The following GIPC2 variants were observed in gnomAD, a reference collection of about 807,000 sequenced individuals.
GIPC2 encodes the protein PDZ domain-containing protein GIPC2.
In GIPC2, 30 loss-of-function variants were observed where a neutral mutation model predicts 30.6. The observed-to-expected ratio is 0.98, with a 90% CI of 0.73 to 1.33. The LOEUF (loss-of-function observed/expected upper bound fraction) is 1.33, where lower values mean the gene tolerates loss of function less well. Ranked by LOEUF, GIPC2 falls within the 40% of genes most tolerant of loss-of-function variation. The pLI is 0.00. For synonymous variants in GIPC2, 167 were observed against 150.0 expected (o/e 1.11, Z -0.83); for missense variants, 414 against 390.3 (o/e 1.06, Z -0.51).
At position 78,091,778 on chromosome 1, in the gene GIPC2, G is replaced by A. The variant is rs1017151258; in HGVS notation, c.427-3174G>A. ...GCACAAAGTAGCACAGAAGAGGGAG[G>A]ATACTGTTTCCAAAGAAGTGACTAG... On this transcript the variant is annotated intron_variant, in intron 2 of 5. Transcript: ENST00000370759. 1.7e-5 allele frequency: 13 copies of A among 776,496 alleles called. No individual in the cohort carries two copies. In the Admixed American group the frequency reaches 2.2e-4, roughly 13 times the overall value. The allele number at this position is 776,496 out of a possible 1,614,324, so 48.1% of individuals were successfully genotyped here. A position where few individuals can be genotyped will look rare whatever the true frequency, so the allele number is the denominator to read the frequency against.
intron 1 of GIPC2, among the ~76,000 whole-genome samples, chr1:78,063,285 A>T (rs1485620221): frequency 1.3e-5 from 2 of 151,646 alleles, no homozygotes; most frequent in East Asian, 3.9e-4. Flanking sequence ...AGGGGTCAGG[A>T]GTTCGCGACC....
At chr1:78,063,320 C>T (rs1280150034) in intron 1 of GIPC2, among the ~76,000 whole-genome samples, 2 of 150,364 alleles carry the variant, frequency 1.3e-5, no homozygotes, top group Non-Finnish European at 3.0e-5. Flanking sequence ...GGTGAAACCC[C>T]GTCTCTACAA....
At chr1:78,135,561 ATTG>A (rs1557555296) in intron 5 of GIPC2, 28 bp from the exon 6 acceptor site, 1 of 1,365,952 alleles carries the variant, frequency 7.3e-7, no homozygotes, top group South Asian at 1.3e-5. Context: ...TATTTCATTT[ATTG>A]TTAATTTTTT....
intron 3 of GIPC2, among the ~76,000 whole-genome samples, chr1:78,106,647 A>G (rs1190983620): frequency 6.6e-6 from 1 of 152,246 alleles, no homozygotes; most frequent in Non-Finnish European, 1.5e-5. Flanking sequence ...TTTTAAGTGT[A>G]GAAGAAAAAT....
At chr1:78,094,236 T>C (rs1240133434) in intron 2 of GIPC2, among the ~76,000 whole-genome samples, 1 of 152,250 alleles carries the variant, frequency 6.6e-6, no homozygotes, top group Admixed American at 6.5e-5. Context: ...TCTATTCTTA[T>C]GTGATGGGCC....
intron 3 of GIPC2, among the ~76,000 whole-genome samples, chr1:78,101,627 C>T (rs1211580340): frequency 2.0e-5 from 3 of 152,156 alleles, no homozygotes; most frequent in Admixed American, 6.5e-5. Flanking sequence ...AAATCTTTCC[C>T]ATACTTAACA....
chr1:78,066,600 C>T (rs1346041997), intron 1 of GIPC2, among the ~76,000 whole-genome samples: 2 of 152,214 alleles, frequency 1.3e-5, no homozygotes, highest in Non-Finnish European at 2.9e-5. Context: ...TTCATTGCAG[C>T]ACTATTCACA....
chr1:78,095,079 T>A lies in GIPC2; in HGVS notation c.554T>A (p.Leu185Ter), dbSNP rs1557540857. 1 of 1,612,328 alleles carries A rather than the reference T, an allele frequency of 6.2e-7. No homozygotes were observed. The highest frequency in any genetic ancestry group is 8.5e-7 in the Non-Finnish European group (1 of 1,178,538). Residue 185 changes from leucine (L) to a stop codon, truncating the protein, a stop_gained, in exon 3 of 6, where the codon TTA (leucine) becomes TAA (stop). Transcript: ENST00000370759. LOFTEE classifies it high-confidence loss of function. ...HYDVAKKLKE[L>*]KKEELFTMKL... Reference sequence around the variant, plus strand: ...GATGTTGCTAAGAAGTTAAAGGAATTAAAAAAGGAGGAACTCTTTACTATG... The same window carrying A: ...GATGTTGCTAAGAAGTTAAAGGAATAAAAAAAGGAGGAACTCTTTACTATG...
chr1:78,097,369 G>A (rs1260428661), intron 3 of GIPC2, among the ~76,000 whole-genome samples: 2 of 152,158 alleles, frequency 1.3e-5, no homozygotes, highest in Non-Finnish European at 2.9e-5. Context: ...CACCTTGGCT[G>A]TAGCTAAGTC....
At chr1:78,072,726 C>A (rs1412185632) in intron 1 of GIPC2, among the ~76,000 whole-genome samples, 1 of 152,106 alleles carries the variant, frequency 6.6e-6, no homozygotes, top group African/African-American at 2.4e-5. Flanking sequence ...TAGTCACTAA[C>A]AAAGGAACCA....
At chr1:78,102,013 T>C (rs935433611) in intron 3 of GIPC2, among the ~76,000 whole-genome samples, 4 of 152,238 alleles carry the variant, frequency 2.6e-5, no homozygotes, top group African/African-American at 7.2e-5. Flanking sequence ...TCATTTATCC[T>C]GCAAATTTCC....
intron 3 of GIPC2, among the ~76,000 whole-genome samples, chr1:78,099,898 TG>T (rs1440455326): frequency 1.3e-5 from 2 of 151,612 alleles, no homozygotes; most frequent in African/African-American, 4.9e-5. Context: ...ACACCTTGTT[TG>T]CCAGTGTTTT....
intron 3 of GIPC2, among the ~76,000 whole-genome samples, chr1:78,113,563 T>C (rs1383425695): frequency 6.6e-6 from 1 of 152,124 alleles, no homozygotes; most frequent in Non-Finnish European, 1.5e-5. Context: ...AATTTTTGTA[T>C]TTTTTTGTAG....
At position 78,046,151 on chromosome 1, in the gene GIPC2, G is replaced by T; in HGVS notation, c.57G>T (p.Leu19=). 6.5e-7 allele frequency: 1 copy of T among 1,547,586 alleles called. No homozygotes were observed. Among genetic ancestry groups the T allele is most frequent in the Non-Finnish European group, 8.7e-7 (1 of 1,149,046 alleles). Residue 19 remains leucine (L), a synonymous_variant, in exon 1 of 6, where the codon CTG becomes CTT. Transcript: ENST00000370759. ...CCAAGTCCAAGGAGACCGCCGGGCTGGTGGAGGGCGAGCCGACGGGCGCGG... is the reference window on the plus strand; with the variant it reads ...CCAAGTCCAAGGAGACCGCCGGGCTTGTGGAGGGCGAGCCGACGGGCGCGG... ...KKAKSKETAG[L]VEGEPTGAGG...
At chr1:78,119,201 ACT>A (rs1662631521) in intron 3 of GIPC2, among the ~76,000 whole-genome samples, 190 bp from the exon 4 acceptor site, 1 of 152,042 alleles carries the variant, frequency 6.6e-6, no homozygotes, top group African/African-American at 2.4e-5. Flanking sequence ...TCTCATAAAG[ACT>A]CTCTTATAAG....
intron 3 of GIPC2, among the ~76,000 whole-genome samples, chr1:78,105,765 T>C (rs1375257026): frequency 6.6e-6 from 1 of 152,252 alleles, no homozygotes; most frequent in Non-Finnish European, 1.5e-5. Flanking sequence ...ACTATAATGT[T>C]ATTTATTAGA....
At chr1:78,064,848 A>T (rs1248758038) in intron 1 of GIPC2, among the ~76,000 whole-genome samples, 1 of 149,176 alleles carries the variant, frequency 6.7e-6, no homozygotes, top group African/African-American at 2.5e-5. Flanking sequence ...GGTTAAAGCG[A>T]TTCTCTTGCC....
intron 1 of GIPC2, among the ~76,000 whole-genome samples, chr1:78,054,847 C>T (rs776093907): frequency 1.3e-5 from 2 of 152,084 alleles, no homozygotes; most frequent in Non-Finnish European, 2.9e-5. Context: ...ATCTGAACAA[C>T]CCTAAAATAA....
At chr1:78,121,668 G>C (rs1428096961) in intron 4 of GIPC2, among the ~76,000 whole-genome samples, 1 of 152,134 alleles carries the variant, frequency 6.6e-6, no homozygotes, top group Non-Finnish European at 1.5e-5. Context: ...GAAGAGATCT[G>C]ATAGAGCAAA....
Sources: gnomAD v4.1 joint callset for allele counts (sites outside exome capture counted in the v4.1 genomes callset) on GRCh38, gnomAD v4.1.1 for gene constraint, MANE v1.5 for transcripts, NCBI Gene and HGNC (gene_info 2026-07-23, HGNC 2026-07-21) for gene names.